The following OR52N1 variants were observed in gnomAD, a reference collection of about 807,000 sequenced individuals.
OR52N1 encodes olfactory receptor family 52 subfamily N member 1.
OR52N1 carries 11 observed loss-of-function variants against 13.9 expected under a neutral mutation model. That is an observed-to-expected ratio of 0.79 (90% CI 0.50 to 1.31). OR52N1 has a LOEUF of 1.31. Among genes scored for constraint, OR52N1 ranks in the 40% most tolerant of loss-of-function variants. The pLI is 0.00. For missense variants in OR52N1, 414 were observed against 397.7 expected (o/e 1.04, Z -0.35); for synonymous variants, 142 against 143.7 (o/e 0.99, Z 0.08).
At position 5,788,198 on chromosome 11, in the gene OR52N1, G is replaced by T; in HGVS notation, c.619C>A (p.Leu207Met). 1 of 1,614,022 alleles carries T rather than the reference G, an allele frequency of 6.2e-7. No individual in the cohort carries two copies. The highest frequency in any genetic ancestry group is 8.5e-7 in the Non-Finnish European group (1 of 1,179,986). Residue 207 changes from leucine to methionine, a missense_variant, in exon 2 of 2, where the codon CTG becomes ATG. Transcript: ENST00000641645. ...NAIYGLIVAL[L>M]IGGFDILCIT... ...CACAGGATATCAAAGCCCCCAATCA[G>T]CAGGGCAACTATCAAACCATAGATG... is the stretch of plus-strand genomic sequence containing the variant.
chr11:5,787,707 A>G lies in OR52N1; in HGVS notation c.*147T>C. 1.4e-6 allele frequency: 1 copy of G among 725,224 alleles called. No homozygotes were observed. Among genetic ancestry groups the G allele is most frequent in the Non-Finnish European group, 2.2e-6 (1 of 458,036 alleles). 44.9% of individuals were successfully genotyped at this position (725,224 alleles called of 1,614,324 possible). On this transcript the variant is annotated 3_prime_UTR_variant, in exon 2 of 2. Transcript: ENST00000641645. ...TAAGAGAGGGTATTTACCTATTTGAACATGATGGTACCCTTTCCAAAGATG... is the reference window on the plus strand; with the variant it reads ...TAAGAGAGGGTATTTACCTATTTGAGCATGATGGTACCCTTTCCAAAGATG...
Position 5,788,225 on chromosome 11 carries a change from C to T in OR52N1, c.592G>A (p.Ala198Thr), listed in dbSNP as rs147301110. The change falls in exon 2 of 2, where the codon GCC (alanine) becomes ACC (threonine). Residue 198 changes from alanine to threonine, a missense_variant. Coordinates refer to ENST00000641645, the MANE Select transcript of OR52N1 (RefSeq NM_001001913.2). ...KISCGNVRVN[A>T]IYGLIVALLI... Reference sequence around the variant, plus strand: ...AGGGCAACTATCAAACCATAGATGGCGTTAACCCTGACATTACCACAAGAT... The same window carrying T: ...AGGGCAACTATCAAACCATAGATGGTGTTAACCCTGACATTACCACAAGAT... The T allele has an allele frequency of 3.2e-4, 516 of 1,614,014 alleles. No homozygotes were observed. The African/African-American group carries it at 3.4e-3, about 11-fold the overall frequency.
chr11:5,788,836 T>C lies in OR52N1; in HGVS notation c.-20A>G, dbSNP rs1854627351. On this transcript the variant is annotated 5_prime_UTR_variant, in exon 2 of 2. An upstream start codon of the reference 5' UTR is lost. Coordinates refer to ENST00000641645, the MANE Select transcript of OR52N1 (RefSeq NM_001001913.2). ...TGACATAATGACTGTTGGAAGTTCA[T>C]TGTATAGCAGTTATAGCATTGCCTC... 5.0e-6 allele frequency: 8 copies of C among 1,585,550 alleles called. No individual in the cohort carries two copies. The highest frequency in any genetic ancestry group is 2.2e-5 in the East Asian group (1 of 44,566).
Position 5,787,041 on chromosome 11 carries a change from G to A in OR52N1, c.*813C>T, listed in dbSNP as rs1213636501. ...AAAGAGCAGATATTACAAATAATAG[G>A]CTCATGAAATATCACTAAGTTGATA... On this transcript the variant is annotated 3_prime_UTR_variant, in exon 2 of 2. Coordinates refer to ENST00000641645, the MANE Select transcript of OR52N1 (RefSeq NM_001001913.2). 1.4e-5 allele frequency: 2 copies of A among 139,114 alleles called. 1 individual carries two copies. 8.6% of individuals were successfully genotyped at this position (139,114 alleles called of 1,614,324 possible). A position where few individuals can be genotyped will look rare whatever the true frequency, so the allele number is the denominator to read the frequency against.
chr11:5,788,000 G>A lies in OR52N1; in HGVS notation c.817C>T (p.Leu273=), dbSNP rs12794769. The A allele has an allele frequency of 0.17, 238,182 of 1,362,090 alleles. 57,431 individuals are homozygous for A. The highest frequency in any genetic ancestry group is 0.34 in the East Asian group (12,261 of 36,134). The allele number at this position is 1,362,090 out of a possible 1,614,324, so 84.4% of individuals were successfully genotyped here. The part of the protein sequence containing the change: ...THHFGGHTIP[L]HIHIIMANLY... The stretch of plus-strand genomic sequence containing the variant: ...TTAGCCATAATAATATGTATGTGTA[G>A]AGGAATGGTGTGTCCCCCAAAATGG... The change falls in exon 2 of 2, where the codon CTA becomes TTA. Residue 273 remains leucine, a synonymous_variant. Transcript: ENST00000641645.
chr11:5,788,341 A>G lies in OR52N1; in HGVS notation c.476T>C (p.Ile159Thr). 6.2e-7 allele frequency: 1 copy of G among 1,614,016 alleles called. No homozygotes were observed. The highest frequency in any genetic ancestry group is 2.2e-5 in the East Asian group (1 of 44,818). Residue 159 changes from isoleucine (I) to threonine (T), a missense_variant, in exon 2 of 2, where the codon ATC (isoleucine) becomes ACC (threonine). Transcript: ENST00000641645. ...LTFLRGVMLV[I>T]PSTFLTKRLP... ...GCGCTTGGTGAGGAAAGTGGAAGGG[A>G]TAACAAGCATCACACCCCTAAGAAA...
rs1460032651 is a variant in OR52N1, at chr11:5,788,189, C to T, written c.628G>A (p.Gly210Ser). ...ATTGTAATGCACAGGATATCAAAGC[C>T]CCCAATCAGCAGGGCAACTATCAAA... ...YGLIVALLIG[G>S]FDILCITISY... The change falls in exon 2 of 2, where the codon GGC (glycine) becomes AGC (serine). Residue 210 changes from glycine to serine, a missense_variant. Coordinates refer to ENST00000641645, the MANE Select transcript of OR52N1 (RefSeq NM_001001913.2). 5 of 1,613,966 alleles carry T rather than the reference C, an allele frequency of 3.1e-6. No homozygotes were observed. In the African/African-American group the frequency reaches 5.3e-5, roughly 17 times the overall value.
intron 1 of OR52N1, among the ~76,000 whole-genome samples, chr11:5,790,442 T>G (rs1357225245): frequency 6.6e-6 from 1 of 152,110 alleles, no homozygotes; most frequent in African/African-American, 2.4e-5. Context: ...TGCTTTTAGC[T>G]TTCACAGCCA....
At chr11:5,790,833 T>C (rs1056116585) in intron 1 of OR52N1, among the ~76,000 whole-genome samples, 7 of 152,228 alleles carry the variant, frequency 4.6e-5, no homozygotes, top group African/African-American at 1.7e-4. Flanking sequence ...GATCTGGATA[T>C]TAGACCTTTG....
chr11:5,787,905 T>C lies in OR52N1; in HGVS notation c.912A>G (p.Glu304=), dbSNP rs769506418. The change falls in exon 2 of 2, where the codon GAA becomes GAG. Residue 304 remains glutamate, a synonymous_variant. Transcript: ENST00000641645. The part of the protein sequence containing the change: ...VYGVKTRQVR[E]SVIRFFLKGK... ...CCTTAAGAAAGAACCTAATGACACT[T>C]TCTCGTACCTGCCTGGTTTTCACCC... 3 of 1,513,308 alleles carry C rather than the reference T, an allele frequency of 2.0e-6. 1 individual carries two copies. The South Asian group carries it at 3.6e-5, about 18-fold the overall frequency. 93.7% of individuals were successfully genotyped at this position (1,513,308 alleles called of 1,614,324 possible).
rs946168796 is a variant in OR52N1, at chr11:5,791,123, C to T, written c.-57G>A. 4 of 151,974 alleles carry T rather than the reference C, an allele frequency of 2.6e-5. No homozygotes were observed. The highest frequency in any genetic ancestry group is 5.9e-5 in the Non-Finnish European group (4 of 67,918). The allele number at this position is 151,974 out of a possible 1,614,324, so 9.4% of individuals were successfully genotyped here. A position where few individuals can be genotyped will look rare whatever the true frequency, so the allele number is the denominator to read the frequency against. On this transcript the variant is annotated 5_prime_UTR_variant, in exon 1 of 2. Transcript: ENST00000641645. ...TAAATCTGCTTACCCTGAAAACTACCGGAGTTCCTCAAGAAACTGAAGACC... is the reference window on the plus strand; with the variant it reads ...TAAATCTGCTTACCCTGAAAACTACTGGAGTTCCTCAAGAAACTGAAGACC...
At chr11:5,788,881 AAAG>A (rs1287105476) in intron 1 of OR52N1, 21 bp from the exon 2 acceptor site, 58 of 1,492,980 alleles carry the variant, frequency 3.9e-5, no homozygotes, top group Non-Finnish European at 5.0e-5. Flanking sequence ...GAAATAAAAA[AAAG>A]AGTAATTTCA....
At position 5,789,684 on chromosome 11, in the gene OR52N1, A is replaced by G. The variant is rs76201274; in HGVS notation, c.-44-824T>C. ...TTCTACCCATATCAAAACTTCAGCC[A>G]TAGAATCAAATATTTTTGAGGCTTA... On this transcript the variant is annotated intron_variant, in intron 1 of 1. Transcript: ENST00000641645. Among the ~76,000 whole-genome samples the G allele has an allele frequency of 5.9e-4, 90 of 152,268 alleles. 2 individuals are homozygous for G. In the East Asian group the frequency reaches 0.012, roughly 21 times the overall value.
rs548980477 is a variant in OR52N1, at chr11:5,788,111, G to C, written c.706C>G (p.Arg236Gly). The change falls in exon 2 of 2, where the codon CGA becomes GGA. Residue 236 changes from arginine (R) to glycine (G), a missense_variant. Coordinates refer to ENST00000641645, the MANE Select transcript of OR52N1 (RefSeq NM_001001913.2). The stretch of plus-strand genomic sequence containing the variant: ...GTGCAGGTGCTGAAGGCCTTCTGTC[G>C]AGCATCTGCTGATGATAGACTCACA... Reference protein sequence around the residue: ...AVVSLSSADARQKAFSTCTAH... With the variant: ...AVVSLSSADAGQKAFSTCTAH... 1 of 1,613,976 alleles carries C rather than the reference G, an allele frequency of 6.2e-7. No homozygotes were observed. The highest frequency in any genetic ancestry group is 1.3e-5 in the African/African-American group (1 of 75,038).
rs761355183 is a variant in OR52N1 at position 5,788,288 on chromosome 11, G to A, written c.529C>T (p.Pro177Ser). ...RLPYCKGNVI[P>S]HTYCDHMSVA... is the part of the protein sequence containing the mutation. ...GACATGTGGTCACAGTAGGTGTGGG[G>A]TATGACGTTGCCCTTGCAGTATGGA... The change falls in exon 2 of 2, where the codon CCC becomes TCC. Residue 177 changes from proline to serine, a missense_variant. Transcript: ENST00000641645. 1 of 1,614,048 alleles carries A rather than the reference G, an allele frequency of 6.2e-7. No homozygotes were observed. The highest frequency in any genetic ancestry group is 2.2e-5 in the East Asian group (1 of 44,830).
rs116810476 is a variant in OR52N1, at chr11:5,788,471, C to A, written c.346G>T (p.Val116Leu). ...VHTFTGMESG[V>L]LMLMALDHCV... ...TGGTCCAGGGCCATGAGCATGAGCA[C>A]CCCAGACTCCATCCCTGTGAAGGTG... Residue 116 changes from valine to leucine, a missense_variant, in exon 2 of 2, where the codon GTG (valine) becomes TTG (leucine). Physicochemically the swap from Val to Leu is conservative, Grantham distance 32. Coordinates refer to ENST00000641645, the MANE Select transcript of OR52N1 (RefSeq NM_001001913.2). 321 of 1,614,000 alleles carry A rather than the reference C, an allele frequency of 2.0e-4. 1 individual carries two copies. The African/African-American group carries it at 3.8e-3, about 19-fold the overall frequency.
chr11:5,789,250 C>G (rs1854631446), intron 1 of OR52N1, among the ~76,000 whole-genome samples: 1 of 152,086 alleles, frequency 6.6e-6, no homozygotes, highest in Non-Finnish European at 1.5e-5. Flanking sequence ...GTGGGCTTAC[C>G]TTTCAAATTA....
rs866085693 is a variant in OR52N1, at chr11:5,788,365, A to T, written c.452T>A (p.Phe151Tyr). 6.2e-7 allele frequency: 1 copy of T among 1,613,884 alleles called. No individual in the cohort carries two copies. Among genetic ancestry groups the T allele is most frequent in the Non-Finnish European group, 8.5e-7 (1 of 1,180,002 alleles). ...SVIAKAGFLT[F>Y]LRGVMLVIPS... ...GATAACAAGCATCACACCCCTAAGA[A>T]AAGTGAGGAACCCAGCTTTAGCAAT... The change falls in exon 2 of 2, where the codon TTT becomes TAT. Residue 151 changes from phenylalanine (F) to tyrosine (Y), a missense_variant. By Grantham distance (22) the Phe-to-Tyr change is conservative (BLOSUM62 3). Coordinates refer to ENST00000641645, the MANE Select transcript of OR52N1 (RefSeq NM_001001913.2).
Position 5,789,753 on chromosome 11 carries a change from C to A in OR52N1, c.-44-893G>T, listed in dbSNP as rs542791069. ...TCAAATATTTTTGAGGCTATGTAAT[C>A]TCCAAAACTAAGTTTCTTTTGTATA... On this transcript the variant is annotated intron_variant, in intron 1 of 1. Coordinates refer to ENST00000641645, the MANE Select transcript of OR52N1 (RefSeq NM_001001913.2). 1.1e-4 allele frequency among the ~76,000 whole-genome samples: 16 copies of A among 152,152 alleles called. No homozygotes were observed. In the East Asian group the frequency reaches 3.1e-3, roughly 29 times the overall value.
Sources: allele counts gnomAD v4.1 joint callset (sites outside exome capture counted in the v4.1 genomes callset), GRCh38; gene constraint gnomAD v4.1.1; transcripts MANE v1.5; gene names NCBI Gene and HGNC (gene_info 2026-07-23, HGNC 2026-07-21).